PKNOX1: variants seen among roughly 807,000 people sequenced by gnomAD.
PKNOX1 encodes the protein homeobox protein PKNOX1.
PKNOX1 carries 15 observed loss-of-function variants against 51.9 expected under a neutral mutation model. The observed-to-expected ratio is 0.29, with a 90% CI of 0.19 to 0.45. The LOEUF is 0.45. Among genes scored for constraint, PKNOX1 ranks in the 20% least tolerant of loss-of-function variants. PKNOX1 has a pLI of 1.00. For synonymous variants in PKNOX1, 219 were observed against 211.1 expected (o/e 1.04, Z -0.32); for missense variants, 462 against 547.5 (o/e 0.84, Z 1.56).
chr21:43,026,525 G>A lies in PKNOX1; in HGVS notation c.926+1578G>A, dbSNP rs113085624. The stretch of plus-strand genomic sequence containing the variant: ...TGTAATCCCAGCACTTTGGGAGGCC[G>A]AGGTGGGCAGATCACGAGGTCAGGA... On this transcript the variant is annotated intron_variant, in intron 9 of 10. Transcript: ENST00000291547. Among the ~76,000 whole-genome samples, 8 of 152,244 alleles carry A rather than the reference G, an allele frequency of 5.3e-5. 1 individual carries two copies. The highest frequency in any genetic ancestry group is 1.7e-4 in the African/African-American group (7 of 41,556).
At position 43,024,907 on chromosome 21, in the gene PKNOX1, G is replaced by T. The variant is rs1259227893; in HGVS notation, c.886G>T (p.Ala296Ser). 1 of 1,612,944 alleles carries T rather than the reference G, an allele frequency of 6.2e-7. No homozygotes were observed. The highest frequency in any genetic ancestry group is 1.1e-5 in the South Asian group (1 of 91,028). The change falls in exon 9 of 11, where the codon GCT (alanine) becomes TCT (serine). Residue 296 changes from alanine (A) to serine (S), a missense_variant. Coordinates refer to ENST00000291547, the MANE Select transcript of PKNOX1 (RefSeq NM_004571.5). ...YPTEDEKKQI[A>S]AQTNLTLLQV... ...AACAGAGGATGAGAAAAAACAGATT[G>T]CTGCTCAGACAAATTTGACACTACT... is the stretch of plus-strand genomic sequence containing the variant.
chr21:42,977,853 T>C (rs1358606370), intron 1 of PKNOX1, among the ~76,000 whole-genome samples: 1 of 151,980 alleles, frequency 6.6e-6, no homozygotes, highest in Non-Finnish European at 1.5e-5. Flanking sequence ...CTCCAACTTT[T>C]CTTCTGCATC....
chr21:42,982,956 C>G (rs1335375926), intron 1 of PKNOX1, among the ~76,000 whole-genome samples: 1 of 151,624 alleles, frequency 6.6e-6, no homozygotes, highest in Non-Finnish European at 1.5e-5. Flanking sequence ...ATTACAGGTG[C>G]CCACCACCAC....
intron 4 of PKNOX1, among the ~76,000 whole-genome samples, chr21:43,012,288 G>A (rs1979287142): frequency 6.6e-6 from 1 of 152,212 alleles, no homozygotes; most frequent in East Asian, 1.9e-4. Context: ...GGCCAGGCGT[G>A]GTGGCTCACG....
At chr21:43,014,812 C>G (rs1045215940) in intron 5 of PKNOX1, among the ~76,000 whole-genome samples, 1 of 152,180 alleles carries the variant, frequency 6.6e-6, no homozygotes, top group Admixed American at 6.5e-5. Flanking sequence ...TTCCTCCCAC[C>G]CTGTGATTCC....
intron 4 of PKNOX1, among the ~76,000 whole-genome samples, chr21:43,011,714 T>C (rs1979264409): frequency 6.6e-6 from 1 of 152,256 alleles, no homozygotes; most frequent in African/African-American, 2.4e-5. Flanking sequence ...GAAAAGGTTT[T>C]TGGAAAACTC....
intron 1 of PKNOX1, 52 bp from the exon 2 acceptor site, chr21:43,004,274 C>A: frequency 1.3e-6 from 1 of 764,244 alleles, no homozygotes; most frequent in Non-Finnish European, 2.3e-6. Flanking sequence ...ATGAGGGAGA[C>A]AAAAAATGCT....
At chr21:42,982,849 G>A (rs998382062) in intron 1 of PKNOX1, among the ~76,000 whole-genome samples, 1 of 151,420 alleles carries the variant, frequency 6.6e-6, no homozygotes, top group Non-Finnish European at 1.5e-5. Flanking sequence ...TTGCTCTGTT[G>A]CCCAGGCTGG....
intron 10 of PKNOX1, among the ~76,000 whole-genome samples, chr21:43,029,220 C>T (rs1054891079): frequency 6.6e-6 from 1 of 152,084 alleles, no homozygotes; most frequent in South Asian, 2.1e-4. Context: ...GGACTTACCC[C>T]GTTCTCACCA....
chr21:42,996,060 T>TA (rs1361369503), intron 1 of PKNOX1, among the ~76,000 whole-genome samples: 1 of 152,074 alleles, frequency 6.6e-6, no homozygotes, highest in African/African-American at 2.4e-5. Flanking sequence ...CAGAAATTTT[T>TA]AAAAATTAGC....
At chr21:43,017,391 T>A (rs1979541270) in intron 6 of PKNOX1, 1 of 162,714 alleles carries the variant, frequency 6.1e-6, no homozygotes, top group Admixed American at 6.1e-5. Context: ...TTGGTATTAC[T>A]TGTAGAACAA....
intron 4 of PKNOX1, among the ~76,000 whole-genome samples, chr21:43,010,654 A>C (rs1457687111): frequency 6.6e-6 from 1 of 152,058 alleles, no homozygotes; most frequent in Non-Finnish European, 1.5e-5. Context: ...GTTCGAGACC[A>C]GCCTGGCCAA....
At chr21:43,008,139 A>G (rs528814251) in intron 3 of PKNOX1, among the ~76,000 whole-genome samples, 5 of 152,234 alleles carry the variant, frequency 3.3e-5, no homozygotes, top group South Asian at 4.1e-4. Flanking sequence ...TAGAATATCA[A>G]TCTATAAATT....
intron 9 of PKNOX1, among the ~76,000 whole-genome samples, chr21:43,025,918 A>T (rs1389001803): frequency 6.6e-6 from 1 of 152,116 alleles, no homozygotes; most frequent in Non-Finnish European, 1.5e-5. Context: ...ATTCTTTTAG[A>T]TGTGGGTAGT....
intron 1 of PKNOX1, among the ~76,000 whole-genome samples, chr21:42,984,821 CAGGG>C (rs893137716): frequency 8.5e-5 from 13 of 152,126 alleles, no homozygotes; most frequent in African/African-American, 2.4e-4. Flanking sequence ...TTAGTGCTGA[CAGGG>C]AGAGTAGAGA....
At chr21:43,007,008 T>G (rs137980242) in intron 2 of PKNOX1, among the ~76,000 whole-genome samples, 2 of 152,372 alleles carry the variant, frequency 1.3e-5, no homozygotes, top group African/African-American at 4.8e-5. Flanking sequence ...CCTTTCTGAA[T>G]GCAGTGACAT....
intron 5 of PKNOX1, 49 bp downstream of exon 5, chr21:43,013,287 C>G (rs776487330): frequency 7.3e-7 from 1 of 1,374,642 alleles, no homozygotes; most frequent in Non-Finnish European, 1.0e-6. Flanking sequence ...CTGTGAACAT[C>G]TGCATTGAGT....
intron 1 of PKNOX1, 106 bp from the exon 2 acceptor site, chr21:43,004,218 CAA>C: frequency 3.8e-6 from 2 of 531,368 alleles, no homozygotes; most frequent in South Asian, 4.0e-5. Context: ...GCCTGGGCAA[CAA>C]GAGTGAAACT....
At chr21:42,987,681 C>T (rs1333653683) in intron 1 of PKNOX1, among the ~76,000 whole-genome samples, 4 of 145,988 alleles carry the variant, frequency 2.7e-5, no homozygotes, top group Non-Finnish European at 4.5e-5. Context: ...TGCAGTGGCG[C>T]GATCTCGGCT....
Sources: gnomAD v4.1 joint callset for allele counts (sites outside exome capture counted in the v4.1 genomes callset) on GRCh38, gnomAD v4.1.1 for gene constraint, MANE v1.5 for transcripts, NCBI Gene and HGNC (gene_info 2026-07-23, HGNC 2026-07-21) for gene names.